MAPK10: variants seen among roughly 807,000 people sequenced by gnomAD.
The protein encoded by MAPK10 is JNK3 alpha protein kinase.
MAPK10 carries 25 observed loss-of-function variants against 59.3 expected under a neutral mutation model. That is an observed-to-expected ratio of 0.42 (90% CI 0.31 to 0.59). The LOEUF (loss-of-function observed/expected upper bound fraction) is 0.59, where lower values mean the gene tolerates loss of function less well. MAPK10 is among the 20% of genes least tolerant of loss of function. The probability of loss-of-function intolerance (pLI) is 0.15; values close to 1 mark genes in which losing one functional copy is unlikely to be tolerated. For synonymous variants in MAPK10, 190 were observed against 200.5 expected (o/e 0.95, Z 0.44); for missense variants, 351 against 568.9 (o/e 0.62, Z 3.90).
intron 1 of MAPK10, among the ~76,000 whole-genome samples, chr4:86,367,414 T>C (rs1045966964): frequency 2.0e-4 from 31 of 152,024 alleles, no homozygotes; most frequent in African/African-American, 7.5e-4. Context: ...AACAGTGGCT[T>C]TTTGCAAAAA....
chr4:86,493,387 C>T (rs554274632), intron 1 of MAPK10, among the ~76,000 whole-genome samples: 1 of 152,204 alleles, frequency 6.6e-6, no homozygotes, highest in African/African-American at 2.4e-5. Flanking sequence ...TATCTGCACA[C>T]AGAAAAGCAA....
At chr4:86,495,342 C>A (rs1270773286) in intron 1 of MAPK10, among the ~76,000 whole-genome samples, 2 of 152,144 alleles carry the variant, frequency 1.3e-5, no homozygotes, top group Non-Finnish European at 2.9e-5. Flanking sequence ...TCCCAGATAA[C>A]CATCCAGTAC....
At position 86,015,007 on chromosome 4, in the gene MAPK10, T is replaced by A. The variant is rs1313224189; in HGVS notation, c.*2221A>T. The A allele has an allele frequency of 2.3e-5, 3 of 128,014 alleles. No individual in the cohort carries two copies. The highest frequency in any genetic ancestry group is 7.2e-5 in the Admixed American group (1 of 13,808). The allele number at this position is 128,014 out of a possible 1,614,324, so 7.9% of individuals were successfully genotyped here. ...TTAGAGATACAGAGAGGAGAAGTTT[T>A]TAAAAAAAAAAAAAAAAAACAGGAA... On this transcript the variant is annotated 3_prime_UTR_variant, in exon 14 of 14. Transcript: ENST00000641462.
chr4:86,419,814 A>G (rs531277228), intron 1 of MAPK10, among the ~76,000 whole-genome samples: 1 of 152,338 alleles, frequency 6.6e-6, no homozygotes, highest in East Asian at 1.9e-4. Flanking sequence ...TATCCATGAC[A>G]GTAAATTAGA....
At chr4:86,299,176 C>A (rs58538747) in intron 2 of MAPK10, among the ~76,000 whole-genome samples, 47,081 of 151,980 alleles carry the variant, frequency 0.31, 7,652 homozygotes, top group Non-Finnish European at 0.37. Flanking sequence ...TGTTTTGCAA[C>A]TTTAAGTATG....
chr4:86,183,847 C>T (rs1369953276), intron 3 of MAPK10, among the ~76,000 whole-genome samples: 9 of 152,124 alleles, frequency 5.9e-5, no homozygotes, highest in Admixed American at 2.6e-4. Flanking sequence ...TGGTGTGAGA[C>T]AGTATCTCAT....
At chr4:86,156,224 T>C (rs2067728220) in intron 4 of MAPK10, among the ~76,000 whole-genome samples, 1 of 152,084 alleles carries the variant, frequency 6.6e-6, no homozygotes, top group East Asian at 1.9e-4. Context: ...GGGCATCTTA[T>C]AACTATGATT....
chr4:86,399,008 T>A (rs977719313), intron 1 of MAPK10, among the ~76,000 whole-genome samples: 2 of 152,220 alleles, frequency 1.3e-5, no homozygotes, highest in Non-Finnish European at 2.9e-5. Flanking sequence ...AGTCCACCGA[T>A]GCTGGGCACC....
intron 4 of MAPK10, 175 bp from the exon 5 acceptor site, chr4:86,107,527 A>G: frequency 7.8e-7 from 1 of 1,276,976 alleles, no homozygotes; most frequent in Non-Finnish European, 9.9e-7. Context: ...GCATAAGAAT[A>G]TTCTACATGC....
At chr4:86,048,720 T>C (rs2042968437) in intron 11 of MAPK10, among the ~76,000 whole-genome samples, 1 of 152,052 alleles carries the variant, frequency 6.6e-6, no homozygotes, top group South Asian at 2.1e-4. Context: ...TGAAGAAACA[T>C]AGCTACAGAA....
chr4:86,019,680 T>C (rs1343597069), intron 13 of MAPK10, among the ~76,000 whole-genome samples: 1 of 152,220 alleles, frequency 6.6e-6, no homozygotes, highest in Admixed American at 6.5e-5. Context: ...TTAGTGTCAC[T>C]ATGATGGACT....
chr4:86,047,348 G>A (rs1031292318), intron 11 of MAPK10, among the ~76,000 whole-genome samples: 2 of 152,098 alleles, frequency 1.3e-5, no homozygotes, highest in African/African-American at 4.8e-5. Flanking sequence ...TGAATATCTG[G>A]AGGAAGAATG....
At chr4:86,257,540 G>A (rs1030272635) in intron 2 of MAPK10, among the ~76,000 whole-genome samples, 1 of 151,956 alleles carries the variant, frequency 6.6e-6, no homozygotes, top group Non-Finnish European at 1.5e-5. Flanking sequence ...CTTCATACCT[G>A]GTTCACAGTC....
chr4:86,283,259 TGAGAA>T (rs1246143943), intron 2 of MAPK10, among the ~76,000 whole-genome samples: 3 of 152,168 alleles, frequency 2.0e-5, no homozygotes, highest in African/African-American at 7.2e-5. Context: ...TCATTCAACA[TGAGAA>T]GACTGAATAA....
chr4:86,441,108 A>T (rs1370931224), intron 1 of MAPK10, among the ~76,000 whole-genome samples: 1 of 152,262 alleles, frequency 6.6e-6, no homozygotes, highest in Non-Finnish European at 1.5e-5. Flanking sequence ...TTAATTGATT[A>T]GGTTTCATTT....
chr4:86,100,659 T>C (rs115546780), intron 8 of MAPK10: 1,819 of 158,660 alleles, frequency 0.011, 33 homozygotes, highest in African/African-American at 0.041. Flanking sequence ...CAGTCTGAGA[T>C]ACAACATAAA....
chr4:86,187,908 T>C (rs1304596991), intron 3 of MAPK10, among the ~76,000 whole-genome samples: 8 of 151,656 alleles, frequency 5.3e-5, no homozygotes, highest in African/African-American at 1.9e-4. Context: ...CCTAATTCTA[T>C]CCCTCTCGAC....
chr4:86,307,376 G>A (rs1427433756), intron 2 of MAPK10, among the ~76,000 whole-genome samples: 2 of 152,126 alleles, frequency 1.3e-5, no homozygotes, highest in Admixed American at 6.5e-5. Context: ...CTTTTTACAA[G>A]GAACTCATAC....
chr4:86,311,066 A>G (rs1313155989), intron 2 of MAPK10, among the ~76,000 whole-genome samples: 20 of 151,496 alleles, frequency 1.3e-4, no homozygotes, highest in African/African-American at 4.6e-4. Flanking sequence ...ACACACACAC[A>G]CATACATGCA....
Sources: gnomAD v4.1 joint callset for allele counts (sites outside exome capture counted in the v4.1 genomes callset) on GRCh38, gnomAD v4.1.1 for gene constraint, MANE v1.5 for transcripts, NCBI Gene and HGNC (gene_info 2026-07-23, HGNC 2026-07-21) for gene names.